ANK3: variants seen among roughly 807,000 people sequenced by gnomAD.
The protein encoded by ANK3 is ankyrin-3.
ANK3 carries 57 observed loss-of-function variants against 370.9 expected under a neutral mutation model. The ratio of observed to expected loss-of-function variants is 0.15; its 90% CI spans 0.12 to 0.19. The LOEUF (loss-of-function observed/expected upper bound fraction) is 0.19, where lower values mean the gene tolerates loss of function less well. Among genes scored for constraint, ANK3 ranks in the 10% least tolerant of loss-of-function variants. ANK3 has a pLI of 1.00. For synonymous variants in ANK3, 1,929 were observed against 1,946.3 expected (o/e 0.99, Z 0.23); for missense variants, 4,439 against 5,302.1 (o/e 0.84, Z 5.06).
At position 60,080,582 on chromosome 10, in the gene ANK3, A is replaced by C. The variant is rs1025625423; in HGVS notation, c.4387T>G (p.Leu1463Val). The change falls in exon 36 of 44, where the codon TTA (leucine) becomes GTA (valine). Residue 1463 changes from leucine (L) to valine (V), a missense_variant. Leu to Val is a conservative substitution (Grantham distance 32, BLOSUM62 1). Around this residue, in one of 13 missense-constraint regions of ANK3, gnomAD observed 679 missense variants for 791.0 expected, o/e 0.86. Transcript: ENST00000280772. ...TAGCTGTAGCGCTTACGTAAAGCTA[A>C]GGATGCGAAGCTCTGTCGTCTATCT... ...KTDRRQSFAS[L>V]ALRKRYSYLT... The C allele has an allele frequency of 6.2e-7, 1 of 1,608,454 alleles. No homozygotes were observed. The highest frequency in any genetic ancestry group is 8.5e-7 in the Non-Finnish European group (1 of 1,178,442).
At chr10:60,351,221 G>A (rs1383857841) in intron 1 of ANK3, among the ~76,000 whole-genome samples, 4 of 152,126 alleles carry the variant, frequency 2.6e-5, no homozygotes, top group African/African-American at 9.7e-5. Flanking sequence ...AGGACCACAA[G>A]CATTTAAATA....
chr10:60,043,117 G>T, intron 42 of ANK3: 1 of 1,021,586 alleles, frequency 9.8e-7, no homozygotes, highest in Non-Finnish European at 1.2e-6. Context: ...ATGAGATTCA[G>T]ACTTCTTAGT....
intron 2 of ANK3, among the ~76,000 whole-genome samples, chr10:60,435,387 T>C (rs1412980398): frequency 1.3e-5 from 2 of 152,238 alleles, no homozygotes; most frequent in African/African-American, 2.4e-5. Context: ...TATTTTCTCT[T>C]ACTTCCAGCA....
intron 2 of ANK3, among the ~76,000 whole-genome samples, chr10:60,573,144 A>C (rs1047418726): frequency 2.6e-5 from 4 of 152,120 alleles, no homozygotes; most frequent in Non-Finnish European, 4.4e-5. Flanking sequence ...TGTAAAAAAA[A>C]AATTCAATGA....
chr10:60,299,100 A>G (rs2043149452), intron 1 of ANK3, among the ~76,000 whole-genome samples: 1 of 152,206 alleles, frequency 6.6e-6, no homozygotes, highest in Non-Finnish European at 1.5e-5. Flanking sequence ...GCACAATCTT[A>G]TAGCTTTATT....
chr10:60,152,703 G>A (rs2132253689), intron 23 of ANK3, among the ~76,000 whole-genome samples: 2 of 152,162 alleles, frequency 1.3e-5, no homozygotes, highest in South Asian at 4.2e-4. Flanking sequence ...ACACAGATGA[G>A]AATATAAAAT....
rs868677097 is a variant in ANK3 at position 60,074,034 on chromosome 10, C to G, written c.6847G>C (p.Gly2283Arg). 1.2e-6 allele frequency: 2 copies of G among 1,613,966 alleles called. No individual in the cohort carries two copies. Among genetic ancestry groups the G allele is most frequent in the Non-Finnish European group, 1.7e-6 (2 of 1,180,006 alleles). ...VHDIMKAFQS[G>R]RDPSKELAGL... ...GCCAGTTCTTTGGAAGGATCCCGCCCGGACTGAAAGGCCTTCATGATGTCA... is the reference window on the plus strand; with the variant it reads ...GCCAGTTCTTTGGAAGGATCCCGCCGGGACTGAAAGGCCTTCATGATGTCA... Residue 2283 changes from glycine to arginine, a missense_variant, in exon 37 of 44, where the codon GGG (glycine) becomes CGG (arginine). By Grantham distance (125) the Gly-to-Arg change is moderately radical. Around this residue, in one of 13 missense-constraint regions of ANK3, gnomAD observed 1,601 missense variants for 1,731.7 expected, o/e 0.92. Transcript: ENST00000280772.
At chr10:60,301,196 G>GTA (rs1014044530) in intron 1 of ANK3, among the ~76,000 whole-genome samples, 3 of 146,316 alleles carry the variant, frequency 2.1e-5, no homozygotes, top group Non-Finnish European at 3.0e-5. Context: ...CTATGTGTGT[G>GTA]TATATATATA....
chr10:60,483,514 T>C (rs2075276022), intron 2 of ANK3, among the ~76,000 whole-genome samples: 1 of 152,210 alleles, frequency 6.6e-6, no homozygotes, highest in South Asian at 2.1e-4. Flanking sequence ...TTCAGCATGG[T>C]TAAAAATAAG....
At chr10:60,477,740 T>C (rs1265873963) in intron 2 of ANK3, among the ~76,000 whole-genome samples, 5 of 151,992 alleles carry the variant, frequency 3.3e-5, no homozygotes, top group Non-Finnish European at 4.4e-5. Flanking sequence ...ATAAAAATTA[T>C]ATAAATGACT....
intron 2 of ANK3, among the ~76,000 whole-genome samples, chr10:60,400,818 T>A (rs2063338184): frequency 6.6e-6 from 1 of 152,146 alleles, no homozygotes. Context: ...CACCAAGGTG[T>A]TAAGCCCAGC....
intron 4 of ANK3, among the ~76,000 whole-genome samples, chr10:60,275,309 G>A (rs190508341): frequency 6.6e-6 from 1 of 152,210 alleles, no homozygotes; most frequent in East Asian, 1.9e-4. Context: ...GCTATTATAA[G>A]CATGCAAATC....
chr10:60,416,224 T>A (rs2063665930), intron 2 of ANK3, among the ~76,000 whole-genome samples: 2 of 152,230 alleles, frequency 1.3e-5, no homozygotes, highest in South Asian at 4.2e-4. Context: ...TTATTTATGA[T>A]CCACCTAGTT....
At chr10:60,356,111 C>T (rs76487661) in intron 1 of ANK3, among the ~76,000 whole-genome samples, 4,498 of 152,246 alleles carry the variant, frequency 0.03, 231 homozygotes, top group African/African-American at 0.1. Context: ...GTAGAATGCA[C>T]GTTTCCAGTA....
chr10:60,263,970 G>A lies in ANK3; in HGVS notation c.564C>T (p.Val188=), dbSNP rs546951252. The A allele has an allele frequency of 5.0e-5, 81 of 1,614,124 alleles. No homozygotes were observed. In the South Asian group the frequency reaches 7.6e-4, roughly 15 times the overall value. ...TGTCATTCTCTAGCAGGAGCGAAACGACTTGGTCGTGACCTTGTTGCAAAG... is the reference window on the plus strand; with the variant it reads ...TGTCATTCTCTAGCAGGAGCGAAACAACTTGGTCGTGACCTTGTTGCAAAG... ...AVALQQGHDQ[V]VSLLLENDTK... The change falls in exon 6 of 44, where the codon GTC becomes GTT. Residue 188 remains valine (V), a synonymous_variant. Coordinates refer to ENST00000280772, the MANE Select transcript of ANK3 (RefSeq NM_020987.5).
At chr10:60,195,284 T>G (rs1359213952) in intron 16 of ANK3, among the ~76,000 whole-genome samples, 2 of 150,208 alleles carry the variant, frequency 1.3e-5, no homozygotes, top group African/African-American at 4.9e-5. Context: ...CTCGGGAGGC[T>G]GAGGCAGGAG....
At chr10:60,278,145 G>T (rs2098116643) in intron 4 of ANK3, among the ~76,000 whole-genome samples, 1 of 152,112 alleles carries the variant, frequency 6.6e-6, no homozygotes, top group Admixed American at 6.6e-5. Flanking sequence ...TCATTACAAA[G>T]AATCTGAAAA....
intron 1 of ANK3, among the ~76,000 whole-genome samples, chr10:60,286,152 A>G (rs544630462): frequency 2.1e-4 from 32 of 152,296 alleles, no homozygotes; most frequent in African/African-American, 7.5e-4. Context: ...TGCAAGTTAC[A>G]AGTGGATTTG....
At chr10:60,499,131 C>A (rs553352651) in intron 2 of ANK3, among the ~76,000 whole-genome samples, 44 of 152,266 alleles carry the variant, frequency 2.9e-4, no homozygotes, top group African/African-American at 1.1e-3. Context: ...CACATTCTCG[C>A]CCTCAGAGGT....
Sources: gnomAD v4.1 joint callset for allele counts (sites outside exome capture counted in the v4.1 genomes callset) on GRCh38, gnomAD v4.1.1 for gene constraint, gnomAD v4.1.1 regional missense constraint, MANE v1.5 for transcripts, NCBI Gene and HGNC (gene_info 2026-07-23, HGNC 2026-07-21) for gene names.